ABCA5: variants seen among roughly 807,000 people sequenced by gnomAD.
ABCA5 encodes the protein cholesterol transporter ABCA5.
In ABCA5, 163 loss-of-function variants were observed where a neutral mutation model predicts 206.0. The ratio of observed to expected loss-of-function variants is 0.79; its 90% CI spans 0.70 to 0.90. The LOEUF (loss-of-function observed/expected upper bound fraction) is 0.90, where lower values mean the gene tolerates loss of function less well. ABCA5 is among the 40% of genes least tolerant of loss of function. ABCA5 has a pLI of 0.00. For synonymous variants in ABCA5, 609 were observed against 613.8 expected, an observed-to-expected ratio of 0.99 and a Z score of 0.11; for missense variants, 1,859 against 1,912.9, an observed-to-expected ratio of 0.97 and a Z score of 0.53.
At chr17:69,310,725 CAT>C (rs200163739) in intron 3 of ABCA5, among the ~76,000 whole-genome samples, 2,590 of 152,280 alleles carry the variant, frequency 0.017, 73 homozygotes, top group African/African-American at 0.058. Flanking sequence ...AAGCTTCAAA[CAT>C]GTGGTGAAAT....
intron 1 of ABCA5, among the ~76,000 whole-genome samples, chr17:69,322,502 A>C (rs2145057141): frequency 6.6e-6 from 1 of 152,160 alleles, no homozygotes; most frequent in East Asian, 1.9e-4. Flanking sequence ...AGGATGCATG[A>C]ATTTAATTAA....
chr17:69,271,125 C>G, intron 21 of ABCA5, 37 bp downstream of exon 21: 1 of 1,586,830 alleles, frequency 6.3e-7, no homozygotes, highest in South Asian at 1.2e-5. Context: ...TCTTGCATAA[C>G]TCCCAAATGG....
At chr17:69,249,128 T>G (rs2144884825) in intron 37 of ABCA5, 1 of 152,294 alleles carries the variant, frequency 6.6e-6, no homozygotes, top group Admixed American at 6.5e-5. Flanking sequence ...AATCCATAGC[T>G]GCAACAAGAA....
chr17:69,294,149 ATAC>A (rs1294076958), intron 11 of ABCA5, among the ~76,000 whole-genome samples: 3 of 152,328 alleles, frequency 2.0e-5, no homozygotes, highest in South Asian at 4.1e-4. Flanking sequence ...ATTTTAATAG[ATAC>A]TACATTTTAC....
rs761933711 is a variant in ABCA5 at position 69,253,887 on chromosome 17, C to T, written c.4245-18G>A. Reference sequence around the variant, plus strand: ...GTGTTATTCTGCAAAATGAACAATACAAAATGAGAATACCATGATATATAT... The same window carrying T: ...GTGTTATTCTGCAAAATGAACAATATAAAATGAGAATACCATGATATATAT... On this transcript the variant is annotated intron_variant, in intron 32 of 38. Transcript: ENST00000392676. 20 of 1,584,368 alleles carry T rather than the reference C, an allele frequency of 1.3e-5. No individual in the cohort carries two copies. In the Admixed American group the frequency reaches 1.4e-4, roughly 11 times the overall value.
At position 69,267,857 on chromosome 17, in the gene ABCA5, A is replaced by T. The variant is rs140592418; in HGVS notation, c.3144+86T>A. ...TTTACTTATTTCTGAAATAACAATT[A>T]TACTAAGCCTTGCAATCAAGCAAAT... On this transcript the variant is annotated intron_variant, in intron 23 of 38. Coordinates refer to ENST00000392676, the MANE Select transcript of ABCA5 (RefSeq NM_172232.4). The T allele has an allele frequency of 1.5e-3, 975 of 644,304 alleles. 7 individuals are homozygous for T. The African/African-American group carries it at 0.016, about 10-fold the overall frequency. 39.9% of individuals were successfully genotyped at this position (644,304 alleles called of 1,614,324 possible).
At chr17:69,300,328 A>C (rs2075639479) in intron 9 of ABCA5, among the ~76,000 whole-genome samples, 1 of 152,198 alleles carries the variant, frequency 6.6e-6, no homozygotes, top group Non-Finnish European at 1.5e-5. Flanking sequence ...GTGGTAATGC[A>C]AGCAATGAGG....
intron 31 of ABCA5, among the ~76,000 whole-genome samples, chr17:69,255,128 G>C (rs2075059680): frequency 6.6e-6 from 1 of 152,156 alleles, no homozygotes; most frequent in Non-Finnish European, 1.5e-5. Flanking sequence ...CATAAAGTAA[G>C]CAAGGGGAGA....
chr17:69,286,028 TATGTAC>T lies in ABCA5; in HGVS notation c.2136_2141del (p.Met712_Tyr713del). On this transcript the variant is annotated inframe_deletion, in exon 17 of 39. Transcript: ENST00000392676. ...GAGATTCTGTGGCACAATATTTGTC[TATGTAC>T]ATGCTAGAGAATACCAAAAATCACA... The T allele has an allele frequency of 2.5e-6, 4 of 1,610,826 alleles. No individual in the cohort carries two copies. The highest frequency in any genetic ancestry group is 3.4e-6 in the Non-Finnish European group (4 of 1,179,050).
At chr17:69,259,681 TA>T (rs2075124095) in intron 28 of ABCA5, 24 bp downstream of exon 28, 1 of 1,478,400 alleles carries the variant, frequency 6.8e-7, no homozygotes, top group Non-Finnish European at 9.4e-7. Context: ...TAAAAACATT[TA>T]AAATTTTTAA....
In ABCA5 at chr17:69,311,128, A is replaced by G. The variant is rs138846040; in HGVS notation, c.308-1705T>C. ...AGTATCACTTGAGCCCAGGAGGCAG[A>G]GGCTGCAGTGAGCTGAGATCACAGC... On this transcript the variant is annotated intron_variant, in intron 3 of 38. Transcript: ENST00000392676. 6.6e-3 allele frequency among the ~76,000 whole-genome samples: 1,006 copies of G among 152,288 alleles called. 15 individuals carry two copies. The highest frequency in any genetic ancestry group is 0.023 in the African/African-American group (937 of 41,558).
rs2074952611 is a variant in ABCA5, at chr17:69,246,453, T to A, written c.*1084A>T. On this transcript the variant is annotated 3_prime_UTR_variant, in exon 39 of 39. Transcript: ENST00000392676. ...AATATTAGCCATGCCTTTAACTCTATCAAAAATGAAATTCTGGTTCTTATT... is the reference window on the plus strand; with the variant it reads ...AATATTAGCCATGCCTTTAACTCTAACAAAAATGAAATTCTGGTTCTTATT... 1 of 151,936 alleles carries A rather than the reference T, an allele frequency of 6.6e-6. No homozygotes were observed. The highest frequency in any genetic ancestry group is 6.6e-5 in the Admixed American group (1 of 15,258). 9.4% of individuals were successfully genotyped at this position (151,936 alleles called of 1,614,324 possible).
chr17:69,269,774 G>C (rs942654842), intron 22 of ABCA5, among the ~76,000 whole-genome samples: 5 of 152,122 alleles, frequency 3.3e-5, no homozygotes, highest in South Asian at 4.1e-4. Context: ...CAAAACAGAT[G>C]AATCTTCAAA....
intron 18 of ABCA5, 115 bp downstream of exon 18, chr17:69,283,838 A>T (rs531586): frequency 9.1e-7 from 1 of 1,095,224 alleles, no homozygotes; most frequent in Non-Finnish European, 1.2e-6. Context: ...TTACTTATTT[A>T]CTTATTTCTA....
rs1186332513 is a variant in ABCA5 at position 69,260,349 on chromosome 17, C to G, written c.3628G>C (p.Ala1210Pro). 2 of 1,604,592 alleles carry G rather than the reference C, an allele frequency of 1.2e-6. No homozygotes were observed. Among genetic ancestry groups the G allele is most frequent in the Non-Finnish European group, 1.7e-6 (2 of 1,174,326 alleles). Residue 1210 changes from alanine to proline, a missense_variant, in exon 27 of 39, where the codon GCT becomes CCT. Coordinates refer to ENST00000392676, the MANE Select transcript of ABCA5 (RefSeq NM_172232.4). ...TYNPWDRLSV[A>P]VISPYLQCVL... The stretch of plus-strand genomic sequence containing the variant: ...ACTTTATTTCTTACCGATATAACAG[C>G]TACTGAAAGCCTATCCCATGGATTA...
At position 69,245,860 on chromosome 17, in the gene ABCA5, A is replaced by AT. The variant is rs1250495714; in HGVS notation, c.*1676dup. The AT allele has an allele frequency of 6.6e-6, 1 of 152,012 alleles. No individual in the cohort carries two copies. The highest frequency in any genetic ancestry group is 2.4e-5 in the African/African-American group (1 of 41,456). 9.4% of individuals were successfully genotyped at this position (152,012 alleles called of 1,614,324 possible). A position where few individuals can be genotyped will look rare whatever the true frequency, so the allele number is the denominator to read the frequency against. Reference sequence around the variant, plus strand: ...TAGTCATGCTCTATCTTCAGATGACATAACTTTCTTAGGATGGTCAGGTTC... The same window carrying AT: ...TAGTCATGCTCTATCTTCAGATGACATTAACTTTCTTAGGATGGTCAGGTTC... On this transcript the variant is annotated 3_prime_UTR_variant, in exon 39 of 39. Transcript: ENST00000392676.
chr17:69,268,128 ATCTTATATC>A lies in ABCA5; in HGVS notation c.3031-81_3031-73del. On this transcript the variant is annotated intron_variant, in intron 22 of 38. Coordinates refer to ENST00000392676, the MANE Select transcript of ABCA5 (RefSeq NM_172232.4). The stretch of plus-strand genomic sequence containing the variant: ...TATCTTAAGATATATCTTAGGATAT[ATCTTATATC>A]AAAAAAAAATCAAAACCTCAGAAAG... 5 of 662,924 alleles carry A rather than the reference ATCTTATATC, an allele frequency of 7.5e-6. 1 individual carries two copies. In the South Asian group the frequency reaches 1.0e-4, roughly 14 times the overall value. The allele number at this position is 662,924 out of a possible 1,614,324, so 41.1% of individuals were successfully genotyped here.
In ABCA5 at chr17:69,313,314, A is replaced by G; in HGVS notation, c.103-18T>C. 8.4e-7 allele frequency: 1 copy of G among 1,183,454 alleles called. No individual in the cohort carries two copies. The highest frequency in any genetic ancestry group is 1.2e-6 in the Non-Finnish European group (1 of 843,714). The allele number at this position is 1,183,454 out of a possible 1,614,324, so 73.3% of individuals were successfully genotyped here. A position where few individuals can be genotyped will look rare whatever the true frequency, so the allele number is the denominator to read the frequency against. ...AGAATTTCCTACAATAAAAGAAACAAAGTAATTACAAAGTATAACAATGGC... is the reference window on the plus strand; with the variant it reads ...AGAATTTCCTACAATAAAAGAAACAGAGTAATTACAAAGTATAACAATGGC... On this transcript the variant is annotated intron_variant, in intron 2 of 38. Coordinates refer to ENST00000392676, the MANE Select transcript of ABCA5 (RefSeq NM_172232.4).
chr17:69,301,360 T>A (rs2075650973), intron 8 of ABCA5, 74 bp from the exon 9 acceptor site: 1 of 1,299,720 alleles, frequency 7.7e-7, no homozygotes, highest in Non-Finnish European at 1.0e-6. Context: ...ACTTAAGAGT[T>A]ATTTAGCATA....
Sources: gnomAD v4.1 joint callset for allele counts (sites outside exome capture counted in the v4.1 genomes callset) on GRCh38, gnomAD v4.1.1 for gene constraint, MANE v1.5 for transcripts, NCBI Gene and HGNC (gene_info 2026-07-23, HGNC 2026-07-21) for gene names.